Variants in CDH8 observed in about 807,000 individuals in gnomAD.
CDH8 encodes cadherin-8.
CDH8 carries 17 observed loss-of-function variants against 68.1 expected under a neutral mutation model. That is an observed-to-expected ratio of 0.25 (90% CI 0.17 to 0.37). CDH8 has a LOEUF of 0.37. CDH8 is among the 10% of genes least tolerant of loss of function. The probability of loss-of-function intolerance (pLI) is 1.00; values close to 1 mark genes in which losing one functional copy is unlikely to be tolerated. For missense variants in CDH8, 763 were observed against 999.3 expected (o/e 0.76, Z 3.19); for synonymous variants, 372 against 365.1 (o/e 1.02, Z -0.21).
At chr16:61,863,228 G>A (rs1265993764) in intron 3 of CDH8, among the ~76,000 whole-genome samples, 2 of 152,044 alleles carry the variant, frequency 1.3e-5, no homozygotes, top group African/African-American at 4.8e-5. Context: ...CCAATGTGCT[G>A]CTCGGATTTT....
intron 2 of CDH8, among the ~76,000 whole-genome samples, chr16:61,925,828 A>G (rs1964447937): frequency 6.6e-6 from 1 of 152,188 alleles, no homozygotes; most frequent in South Asian, 2.1e-4. Flanking sequence ...TTAGCAGGAC[A>G]CAACAAAGCA....
intron 3 of CDH8, among the ~76,000 whole-genome samples, chr16:61,871,594 T>G (rs1031145629): frequency 6.6e-6 from 1 of 151,578 alleles, no homozygotes; most frequent in East Asian, 1.9e-4. Flanking sequence ...TAATAATATT[T>G]TTTAAAGATG....
chr16:61,975,173 A>G (rs1440706128), intron 2 of CDH8, among the ~76,000 whole-genome samples: 1 of 152,136 alleles, frequency 6.6e-6, no homozygotes, highest in Non-Finnish European at 1.5e-5. Context: ...CCTTTACATC[A>G]TCAAGGTTCA....
chr16:61,715,968 G>A (rs76027618), intron 9 of CDH8, among the ~76,000 whole-genome samples: 4,839 of 151,708 alleles, frequency 0.032, 358 homozygotes, highest in East Asian at 0.24. Flanking sequence ...AAAGAAGACA[G>A]GGAAAAACAT....
rs988078385 is a variant in CDH8 at position 61,919,835 on chromosome 16, C to T, written c.253-18362G>A. ...AAAGAACAAAGCTGGAGGCCTCACG[C>T]TACCTGACTTCAAACTATACTACAA... On this transcript the variant is annotated intron_variant, in intron 2 of 11. Transcript: ENST00000577390. Among the ~76,000 whole-genome samples the T allele has an allele frequency of 1.2e-3, 177 of 152,180 alleles. 1 individual carries two copies. The highest frequency in any genetic ancestry group is 2.9e-4 in the Non-Finnish European group (20 of 68,032).
intron 4 of CDH8, among the ~76,000 whole-genome samples, chr16:61,848,044 T>A (rs1396665648): frequency 6.6e-6 from 1 of 152,066 alleles, no homozygotes; most frequent in Non-Finnish European, 1.5e-5. Flanking sequence ...TTGTTGTTCT[T>A]CACCAAATCA....
intron 3 of CDH8, among the ~76,000 whole-genome samples, chr16:61,867,473 C>A (rs1451461199): frequency 6.6e-6 from 1 of 152,008 alleles, no homozygotes. Context: ...GGCAGATAAA[C>A]AGTTAAAGCA....
chr16:61,807,776 T>C (rs1163951920), intron 7 of CDH8, among the ~76,000 whole-genome samples: 1 of 152,210 alleles, frequency 6.6e-6, no homozygotes, highest in Non-Finnish European at 1.5e-5. Context: ...AGTACTCCTC[T>C]GATAAGCAAC....
intron 10 of CDH8, chr16:61,667,417 T>A (rs1268601314): frequency 1.3e-5 from 2 of 152,050 alleles, no homozygotes; most frequent in African/African-American, 4.8e-5. Context: ...TAGAACATTT[T>A]AATACAGAAG....
chr16:61,764,982 T>A (rs1317620613), intron 8 of CDH8, among the ~76,000 whole-genome samples: 1 of 152,014 alleles, frequency 6.6e-6, no homozygotes, highest in Non-Finnish European at 1.5e-5. Context: ...ATCCCTGCCC[T>A]TTACATACCT....
intron 3 of CDH8, among the ~76,000 whole-genome samples, chr16:61,890,051 G>A (rs190185285): frequency 3.9e-5 from 6 of 152,262 alleles, no homozygotes; most frequent in Non-Finnish European, 7.4e-5. Flanking sequence ...TCTTCAGAAG[G>A]GCTCAGAGAA....
At chr16:61,774,940 C>G (rs938856311) in intron 8 of CDH8, among the ~76,000 whole-genome samples, 1 of 152,244 alleles carries the variant, frequency 6.6e-6, no homozygotes, top group East Asian at 1.9e-4. Context: ...CTAACACTTA[C>G]AGTAGCTTGT....
At chr16:61,944,670 G>A (rs1372407496) in intron 2 of CDH8, among the ~76,000 whole-genome samples, 2 of 152,060 alleles carry the variant, frequency 1.3e-5, no homozygotes, top group Non-Finnish European at 2.9e-5. Context: ...GGCGGGGTGT[G>A]GTGGCTCATG....
At chr16:61,916,272 G>A (rs890891074) in intron 2 of CDH8, among the ~76,000 whole-genome samples, 4 of 152,260 alleles carry the variant, frequency 2.6e-5, no homozygotes, top group South Asian at 2.1e-4. Flanking sequence ...CCAGCACTTC[G>A]GGAGGCTGAG....
chr16:61,933,296 A>G (rs921488632), intron 2 of CDH8, among the ~76,000 whole-genome samples: 2 of 152,176 alleles, frequency 1.3e-5, no homozygotes. Context: ...GAGAGTGACA[A>G]GAGGAGAGGC....
intron 8 of CDH8, among the ~76,000 whole-genome samples, chr16:61,775,886 T>C (rs1034049840): frequency 6.6e-6 from 1 of 152,126 alleles, no homozygotes; most frequent in Non-Finnish European, 1.5e-5. Flanking sequence ...GAAAACATTA[T>C]GTTAAGTCAC....
At chr16:61,935,910 G>A (rs1360366424) in intron 2 of CDH8, among the ~76,000 whole-genome samples, 2 of 152,066 alleles carry the variant, frequency 1.3e-5, no homozygotes, top group Non-Finnish European at 2.9e-5. Flanking sequence ...CATAATGCTG[G>A]GAGCTAGATC....
chr16:61,731,440 A>G (rs1355002491), intron 8 of CDH8, among the ~76,000 whole-genome samples: 1 of 151,786 alleles, frequency 6.6e-6, no homozygotes, highest in Non-Finnish European at 1.5e-5. Context: ...GTTGGCTGGC[A>G]ATTAAACAAC....
chr16:61,916,026 T>C (rs1964233174), intron 2 of CDH8, among the ~76,000 whole-genome samples: 1 of 152,170 alleles, frequency 6.6e-6, no homozygotes, highest in South Asian at 2.1e-4. Flanking sequence ...ATAAAACCTT[T>C]CTTTGCACAT....
Sources: allele counts gnomAD v4.1 joint callset (sites outside exome capture counted in the v4.1 genomes callset), GRCh38; gene constraint gnomAD v4.1.1; transcripts MANE v1.5; gene names NCBI Gene and HGNC (gene_info 2026-07-23, HGNC 2026-07-21).